The following SUMF1 variants were observed in gnomAD, a reference collection of about 807,000 sequenced individuals.
SUMF1 encodes sulfatase modifying factor 1.
SUMF1 carries 48 observed loss-of-function variants against 47.6 expected under a neutral mutation model. The ratio of observed to expected loss-of-function variants is 1.01; its 90% CI spans 0.80 to 1.28. SUMF1 has a LOEUF of 1.28. Ranked by LOEUF, SUMF1 falls within the 50% of genes most tolerant of loss-of-function variation. The pLI is 0.00. For synonymous variants in SUMF1, 230 were observed against 192.1 expected (o/e 1.20, Z -1.63); for missense variants, 571 against 485.4 (o/e 1.18, Z -1.66).
chr3:4,256,804 C>G (rs1696964350), intron 8 of SUMF1, among the ~76,000 whole-genome samples: 1 of 150,266 alleles, frequency 6.7e-6, no homozygotes, highest in Middle Eastern at 3.4e-3. Context: ...AGAGACACAA[C>G]CAAAAAAGAG....
chr3:4,057,042 G>A (rs1182006164), intron 9 of SUMF1, among the ~76,000 whole-genome samples: 2 of 152,074 alleles, frequency 1.3e-5, no homozygotes, highest in Non-Finnish European at 2.9e-5. Context: ...CACCGCGCCC[G>A]GCCGTGATCC....
intron 8 of SUMF1, among the ~76,000 whole-genome samples, chr3:4,160,427 A>G (rs1168075224): frequency 6.6e-6 from 1 of 152,028 alleles, no homozygotes; most frequent in African/African-American, 2.4e-5. Context: ...TTTAGTAGAG[A>G]TGGGATTTCA....
intron 8 of SUMF1, among the ~76,000 whole-genome samples, chr3:4,156,495 C>G (rs1344988435): frequency 6.6e-6 from 1 of 151,628 alleles, no homozygotes; most frequent in African/African-American, 2.4e-5. Context: ...TCCTACACAA[C>G]TGGAACAGAA....
At chr3:4,101,489 G>A (rs1193599383) in intron 8 of SUMF1, among the ~76,000 whole-genome samples, 4 of 152,106 alleles carry the variant, frequency 2.6e-5, no homozygotes, top group African/African-American at 9.7e-5. Context: ...CAGATCTGGG[G>A]GTGGAGAAGA....
intron 8 of SUMF1, among the ~76,000 whole-genome samples, chr3:4,258,095 T>G (rs1000116229): frequency 1.3e-5 from 2 of 150,674 alleles, no homozygotes; most frequent in Non-Finnish European, 3.0e-5. Context: ...TCCTTACACC[T>G]TATACAAAAA....
At chr3:4,152,545 A>G (rs2587913) in intron 8 of SUMF1, among the ~76,000 whole-genome samples, 53,434 of 150,440 alleles carry the variant, frequency 0.36, 10,018 homozygotes, top group East Asian at 0.4. Flanking sequence ...CTCCCTCCTC[A>G]GCCTCCCACA....
intron 8 of SUMF1, among the ~76,000 whole-genome samples, chr3:4,274,384 A>G (rs1697371300): frequency 6.6e-6 from 1 of 152,170 alleles, no homozygotes. Context: ...CTGAAAGCAT[A>G]CTATATTCGG....
intron 8 of SUMF1, among the ~76,000 whole-genome samples, chr3:4,118,689 T>C (rs1693474226): frequency 6.6e-6 from 1 of 152,098 alleles, no homozygotes; most frequent in African/African-American, 2.4e-5. Flanking sequence ...GTGGGCAGTT[T>C]CCAATACTCA....
intron 8 of SUMF1, among the ~76,000 whole-genome samples, chr3:4,128,310 C>A (rs1693705231): frequency 6.6e-6 from 1 of 152,086 alleles, no homozygotes; most frequent in Admixed American, 6.5e-5. Context: ...AATATTGGGC[C>A]CTGAAACTTG....
rs144147967 is a variant in SUMF1, at chr3:4,408,800, G to A, written c.954+2065C>T. ...AGTCTGGCCAAAATGGCGAAACCCC[G>A]TTTCTACTAAAAATACAAAAATTAG... On this transcript the variant is annotated intron_variant, in intron 7 of 8. Transcript: ENST00000272902. Among the ~76,000 whole-genome samples, 34 of 151,974 alleles carry A rather than the reference G, an allele frequency of 2.2e-4. No homozygotes were observed. In the East Asian group the frequency reaches 4.4e-3, roughly 20 times the overall value.
At chr3:4,367,100 G>A (rs551749757) in intron 8 of SUMF1, among the ~76,000 whole-genome samples, 15 of 151,892 alleles carry the variant, frequency 9.9e-5, no homozygotes, top group South Asian at 2.1e-4. Context: ...AGGAGTACCC[G>A]GCCGTGTGAG....
chr3:4,039,059 T>C (rs534657924), intron 9 of SUMF1, among the ~76,000 whole-genome samples: 1 of 151,988 alleles, frequency 6.6e-6, no homozygotes, highest in South Asian at 2.1e-4. Context: ...TGGCAAACAT[T>C]AAAGCACTCC....
chr3:4,148,226 G>A (rs1282927638), intron 8 of SUMF1, among the ~76,000 whole-genome samples: 1 of 152,096 alleles, frequency 6.6e-6, no homozygotes, highest in Non-Finnish European at 1.5e-5. Context: ...AAAGGGATAA[G>A]ATAAATATCT....
At chr3:4,136,048 G>T (rs969247633) in intron 8 of SUMF1, among the ~76,000 whole-genome samples, 1 of 152,104 alleles carries the variant, frequency 6.6e-6, no homozygotes, top group African/African-American at 2.4e-5. Context: ...TGGCCATACT[G>T]CCCAAGGTAA....
At chr3:4,036,336 T>C (rs909601660) in intron 9 of SUMF1, among the ~76,000 whole-genome samples, 2 of 152,174 alleles carry the variant, frequency 1.3e-5, no homozygotes, top group Admixed American at 6.5e-5. Context: ...TGTTATCTTA[T>C]TTTGAGGCTC....
At chr3:4,197,484 G>A (rs1382875774) in intron 8 of SUMF1, among the ~76,000 whole-genome samples, 3 of 152,016 alleles carry the variant, frequency 2.0e-5, no homozygotes, top group South Asian at 2.1e-4. Context: ...CATGACAGAC[G>A]GAAGAAATAG....
chr3:4,410,867 G>A lies in SUMF1; in HGVS notation c.952C>T (p.Pro318Ser), dbSNP rs201462109. ...CATGCTCTGTGAATAATACTCACTG[G>A]GTTAAGCGTTTCTTCAACAGAATGA... Reference protein sequence around the residue: ...VHHSVEETLNPKGPPSGKDRV... With the variant: ...VHHSVEETLNSKGPPSGKDRV... Residue 318 changes from proline to serine, a missense_variant and splice_region_variant, in exon 7 of 9, where the codon CCA becomes TCA. Pro to Ser is a moderately conservative substitution (Grantham distance 74). Transcript: ENST00000272902. 5.2e-5 allele frequency: 84 copies of A among 1,613,314 alleles called. No homozygotes were observed. The highest frequency in any genetic ancestry group is 6.4e-5 in the Non-Finnish European group (76 of 1,179,412).
chr3:4,289,732 T>G (rs1401861998), intron 8 of SUMF1, among the ~76,000 whole-genome samples: 1 of 152,146 alleles, frequency 6.6e-6, no homozygotes, highest in East Asian at 1.9e-4. Context: ...AAGCATCTGG[T>G]TGTAGGGTTT....
intron 8 of SUMF1, among the ~76,000 whole-genome samples, chr3:4,223,638 C>G (rs1455511758): frequency 1.3e-5 from 2 of 152,090 alleles, no homozygotes; most frequent in African/African-American, 4.8e-5. Flanking sequence ...TCCAGCCCAT[C>G]AAAAGCCTGA....
Sources: allele counts gnomAD v4.1 joint callset (sites outside exome capture counted in the v4.1 genomes callset), GRCh38; gene constraint gnomAD v4.1.1; transcripts MANE v1.5; gene names NCBI Gene and HGNC (gene_info 2026-07-23, HGNC 2026-07-21).